The following HMGCLL1 variants were observed in gnomAD, a reference collection of about 807,000 sequenced individuals.
The protein encoded by HMGCLL1 is 3-hydroxymethyl-3-methylglutaryl-CoA lyase, cytoplasmic.
A neutral mutation model predicts 39.1 loss-of-function variants in HMGCLL1; 36 were observed. That is an observed-to-expected ratio of 0.92 (90% CI 0.71 to 1.22). HMGCLL1 has a LOEUF of 1.22. Among genes scored for constraint, HMGCLL1 ranks in the 50% most tolerant of loss-of-function variants. The probability of loss-of-function intolerance (pLI) is 0.00; values close to 1 mark genes in which losing one functional copy is unlikely to be tolerated. For synonymous variants in HMGCLL1, 149 were observed against 144.0 expected (o/e 1.03, Z -0.25); for missense variants, 451 against 416.5 (o/e 1.08, Z -0.72).
chr6:55,641,962 G>C, the HMGCLL1 span, among the ~76,000 whole-genome samples: 1 of 139,746 alleles, frequency 7.2e-6, no homozygotes, highest in East Asian at 2.1e-4. Flanking sequence ...CATTGTGCAG[G>C]TTAGTTACAT....
the HMGCLL1 span, among the ~76,000 whole-genome samples, chr6:55,610,264 T>C: frequency 1.3e-3 from 193 of 152,060 alleles, no homozygotes; most frequent in African/African-American, 4.6e-3. Context: ...CCTAACCCAA[T>C]GCAAAGGATC....
intron 1 of HMGCLL1, among the ~76,000 whole-genome samples, chr6:55,569,580 C>T (rs1025060126): frequency 3.3e-5 from 5 of 152,166 alleles, no homozygotes; most frequent in African/African-American, 1.2e-4. Context: ...CTTTCTGAAC[C>T]ACAGTTACCA....
At chr6:55,524,996 ATC>A (rs1201162428) in intron 3 of HMGCLL1, among the ~76,000 whole-genome samples, 2 of 151,602 alleles carry the variant, frequency 1.3e-5, no homozygotes, top group Admixed American at 6.6e-5. Context: ...AATTAATATT[ATC>A]TGTTATAGAA....
the HMGCLL1 span, among the ~76,000 whole-genome samples, chr6:55,591,462 C>T: frequency 5.9e-5 from 9 of 151,838 alleles, no homozygotes; most frequent in African/African-American, 2.2e-4. Context: ...CTTCTCTTTT[C>T]GTAAATCATG....
chr6:55,522,436 T>C (rs954461304), intron 3 of HMGCLL1, among the ~76,000 whole-genome samples: 1 of 152,144 alleles, frequency 6.6e-6, no homozygotes, highest in African/African-American at 2.4e-5. Context: ...TAAAGTTTAC[T>C]CAGTTCCAAC....
the HMGCLL1 span, among the ~76,000 whole-genome samples, chr6:55,642,282 C>T: frequency 6.6e-6 from 1 of 150,814 alleles, no homozygotes; most frequent in Non-Finnish European, 1.5e-5. Context: ...TGTATATGTG[C>T]CACATTTTCT....
chr6:55,471,687 T>C (rs994585116), intron 7 of HMGCLL1, among the ~76,000 whole-genome samples: 10 of 151,646 alleles, frequency 6.6e-5, no homozygotes, highest in African/African-American at 2.2e-4. Context: ...TTTTTCTTTT[T>C]TTAAAATAAG....
chr6:55,671,186 C>G, the HMGCLL1 span, among the ~76,000 whole-genome samples: 49 of 151,868 alleles, frequency 3.2e-4, no homozygotes, highest in Admixed American at 1.2e-3. Context: ...GGATGAAATA[C>G]CACTCCCATG....
chr6:55,482,216 T>G (rs1179445809), intron 7 of HMGCLL1, among the ~76,000 whole-genome samples: 1 of 152,162 alleles, frequency 6.6e-6, no homozygotes, highest in Non-Finnish European at 1.5e-5. Context: ...TATTTTGAAT[T>G]AACATGGTTT....
intron 7 of HMGCLL1, among the ~76,000 whole-genome samples, chr6:55,494,107 G>A (rs373302454): frequency 6.6e-6 from 1 of 152,066 alleles, no homozygotes. Context: ...CATTAAAACC[G>A]CATTGGGGTA....
chr6:55,602,686 A>C, the HMGCLL1 span, among the ~76,000 whole-genome samples: 1 of 151,960 alleles, frequency 6.6e-6, no homozygotes, highest in Non-Finnish European at 1.5e-5. Flanking sequence ...TCACATTCAA[A>C]AATTGACCAA....
chr6:55,536,122 C>T (rs867450510), intron 3 of HMGCLL1, among the ~76,000 whole-genome samples: 1 of 152,070 alleles, frequency 6.6e-6, no homozygotes, highest in African/African-American at 2.4e-5. Flanking sequence ...GTAATTTACT[C>T]GTTCCTTCTT....
At chr6:55,617,944 G>A in the HMGCLL1 span, among the ~76,000 whole-genome samples, 1 of 151,770 alleles carries the variant, frequency 6.6e-6, no homozygotes, top group African/African-American at 2.4e-5. Flanking sequence ...ACATTACACA[G>A]CAATAAAAAA....
At chr6:55,450,580 T>G (rs1459542116) in intron 7 of HMGCLL1, among the ~76,000 whole-genome samples, 2 of 152,070 alleles carry the variant, frequency 1.3e-5, no homozygotes, top group Non-Finnish European at 2.9e-5. Flanking sequence ...AACAAAGATG[T>G]GGAGGCAGAC....
chr6:55,665,767 A>T, the HMGCLL1 span, among the ~76,000 whole-genome samples: 1 of 151,768 alleles, frequency 6.6e-6, no homozygotes, highest in Non-Finnish European at 1.5e-5. Context: ...TACATGAGGA[A>T]TTATTTAAAT....
At chr6:55,674,663 A>G in the HMGCLL1 span, among the ~76,000 whole-genome samples, 4 of 151,836 alleles carry the variant, frequency 2.6e-5, no homozygotes, top group African/African-American at 9.7e-5. Flanking sequence ...TCTACAAATG[A>G]GGGACAATGA....
chr6:55,524,251 T>G (rs185310800), intron 3 of HMGCLL1, among the ~76,000 whole-genome samples: 1 of 151,528 alleles, frequency 6.6e-6, no homozygotes, highest in Non-Finnish European at 1.5e-5. Context: ...GAACAAAGAA[T>G]GTATAGTCAC....
intron 1 of HMGCLL1, chr6:55,577,038 AGG>A: frequency 6.2e-7 from 1 of 1,610,390 alleles, no homozygotes; most frequent in East Asian, 2.2e-5. Flanking sequence ...AACTCACACT[AGG>A]AAGAGTGTAG....
chr6:55,555,737 G>A (rs1770619054), intron 1 of HMGCLL1, among the ~76,000 whole-genome samples: 1 of 152,180 alleles, frequency 6.6e-6, no homozygotes, highest in Non-Finnish European at 1.5e-5. Flanking sequence ...ACACTCTGGG[G>A]AAGACAAATA....
Sources: gnomAD v4.1 joint callset for allele counts (sites outside exome capture counted in the v4.1 genomes callset) on GRCh38, gnomAD v4.1.1 for gene constraint, MANE v1.5 for transcripts, NCBI Gene and HGNC (gene_info 2026-07-23, HGNC 2026-07-21) for gene names.